FAT3: variants seen among roughly 807,000 people sequenced by gnomAD.
FAT3 encodes the protein FAT atypical cadherin 3.
In FAT3, 95 loss-of-function variants were observed where a neutral mutation model predicts 310.2. The observed-to-expected ratio is 0.31, with a 90% confidence interval of 0.26 to 0.36. FAT3 has a LOEUF of 0.36. FAT3 is among the 10% of genes least tolerant of loss of function. The pLI, the probability that FAT3 is intolerant of heterozygous loss-of-function variation, is 1.00. For missense variants in FAT3, 5,408 were observed against 5,715.6 expected (o/e 0.95, Z 1.74); for synonymous variants, 2,314 against 2,192.9 (o/e 1.06, Z -1.54).
intron 1 of FAT3, among the ~76,000 whole-genome samples, chr11:92,239,813 T>A (rs997046449): frequency 3.9e-5 from 6 of 152,108 alleles, no homozygotes; most frequent in African/African-American, 1.4e-4. Flanking sequence ...CTTATTTGCA[T>A]AAAAGAGTCT....
intron 3 of FAT3, among the ~76,000 whole-genome samples, chr11:92,561,435 C>T (rs1287658397): frequency 6.6e-6 from 1 of 152,022 alleles, no homozygotes; most frequent in African/African-American, 2.4e-5. Flanking sequence ...AAAGTCTAAG[C>T]ATTTGAAAAT....
In FAT3 at chr11:92,800,475, G is replaced by T. The variant is rs866946202; in HGVS notation, c.7462G>T (p.Gly2488Trp). The change falls in exon 10 of 28, where the codon GGG (glycine) becomes TGG (tryptophan). Residue 2488 changes from glycine (G) to tryptophan (W), a missense_variant. By Grantham distance (184) the Gly-to-Trp change is radical. Transcript: ENST00000525166. ...STAQVHIRVL[G>W]ANLYSPAFSQ... ...TGCACAGGTGCATATTAGGGTACTT[G>T]GGGCTAACTTGTACAGCCCTGCCTT... The T allele has an allele frequency of 4.3e-6, 7 of 1,613,814 alleles. No homozygotes were observed. The African/African-American group carries it at 6.7e-5, about 15-fold the overall frequency.
At chr11:92,855,714 A>G (rs7948889) in intron 19 of FAT3, among the ~76,000 whole-genome samples, 125,810 of 152,162 alleles carry the variant, frequency 0.83, 52,281 homozygotes, top group South Asian at 0.9. Flanking sequence ...TTTAAGTATT[A>G]TAGAACCATT....
chr11:92,431,462 G>T (rs1950775488), intron 2 of FAT3, among the ~76,000 whole-genome samples: 1 of 152,112 alleles, frequency 6.6e-6, no homozygotes, highest in African/African-American at 2.4e-5. Context: ...TCTGTAGGTT[G>T]CCTGTTCACT....
intron 1 of FAT3, among the ~76,000 whole-genome samples, chr11:92,323,580 T>C (rs1026069547): frequency 4.1e-5 from 6 of 144,790 alleles, no homozygotes; most frequent in Non-Finnish European, 8.9e-5. Context: ...GGAATCTTTT[T>C]TTTTCTTTTT....
rs961407331 is a variant in FAT3, at chr11:92,871,237, G to A, written c.12127+4028G>A. 9.9e-5 allele frequency among the ~76,000 whole-genome samples: 15 copies of A among 152,248 alleles called. No homozygotes were observed. The East Asian group carries it at 2.1e-3, about 22-fold the overall frequency. On this transcript the variant is annotated intron_variant, in intron 22 of 27. Coordinates refer to ENST00000525166, the MANE Select transcript of FAT3 (RefSeq NM_001367949.2). ...TCCTTGAAAATGCAATGGTTAAAAA[G>A]AAAACCAAAAAATATTTAAAAAGTG...
At chr11:92,238,438 T>C (rs889405035) in intron 1 of FAT3, among the ~76,000 whole-genome samples, 17 of 152,110 alleles carry the variant, frequency 1.1e-4, no homozygotes, top group Non-Finnish European at 2.2e-4. Flanking sequence ...GGCAATCTGG[T>C]TGGAAGAGGA....
At chr11:92,357,313 G>A (rs1310825864) in intron 2 of FAT3, among the ~76,000 whole-genome samples, 1 of 152,156 alleles carries the variant, frequency 6.6e-6, no homozygotes, top group Non-Finnish European at 1.5e-5. Context: ...GACATAGAAT[G>A]TGGAGCCTAT....
intron 1 of FAT3, among the ~76,000 whole-genome samples, chr11:92,346,888 A>T (rs1249801048): frequency 6.6e-6 from 1 of 152,180 alleles, no homozygotes; most frequent in Non-Finnish European, 1.5e-5. Context: ...CTGGAAAATA[A>T]AACGTAGAGT....
chr11:92,504,156 A>C (rs1591375704), intron 2 of FAT3, among the ~76,000 whole-genome samples: 1 of 152,166 alleles, frequency 6.6e-6, no homozygotes, highest in Non-Finnish European at 1.5e-5. Context: ...TCATATGCCA[A>C]AAACAAGTTG....
intron 2 of FAT3, among the ~76,000 whole-genome samples, chr11:92,509,463 G>C (rs1162602886): frequency 6.6e-6 from 1 of 152,182 alleles, no homozygotes; most frequent in Non-Finnish European, 1.5e-5. Flanking sequence ...GACCTAGCAA[G>C]AGTGGACTTC....
intron 1 of FAT3, among the ~76,000 whole-genome samples, chr11:92,250,740 A>C (rs973083130): frequency 5.9e-5 from 9 of 152,088 alleles, no homozygotes; most frequent in African/African-American, 2.2e-4. Flanking sequence ...AAAGAGAAAA[A>C]CAATTGAGGC....
chr11:92,547,607 C>G (rs1954656801), intron 3 of FAT3, among the ~76,000 whole-genome samples: 1 of 152,052 alleles, frequency 6.6e-6, no homozygotes, highest in African/African-American at 2.4e-5. Context: ...AGAGCAGGCC[C>G]TACCTCCCCT....
In FAT3 at chr11:92,293,060, GGAAGGAAGGAAGGAAGGAAA is replaced by G. The variant is rs1475630480; in HGVS notation, c.-17-59014_-17-58995del. 3.8e-3 allele frequency among the ~76,000 whole-genome samples: 392 copies of G among 104,262 alleles called. 8 individuals carry two copies. Among genetic ancestry groups the G allele is most frequent in the African/African-American group, 0.013 (339 of 26,210 alleles). The allele number at this position is 104,262 out of a possible 152,430, so 68.4% of individuals were successfully genotyped here. A position where few individuals can be genotyped will look rare whatever the true frequency, so the allele number is the denominator to read the frequency against. On this transcript the variant is annotated intron_variant, in intron 1 of 27. Transcript: ENST00000525166. The stretch of plus-strand genomic sequence containing the variant: ...AGGAAGGAAGGAAGGAAGGAAGGAA[GGAAGGAAGGAAGGAAGGAAA>G]GAAGGAAGGAAGGAAGGAAAGGAAG...
intron 1 of FAT3, among the ~76,000 whole-genome samples, chr11:92,240,434 T>C (rs75866882): frequency 0.015 from 2,256 of 152,116 alleles, 69 homozygotes; most frequent in African/African-American, 0.052. Context: ...TTTGCAGCCA[T>C]GGCTGTATGT....
At chr11:92,538,206 G>T (rs571267802) in intron 3 of FAT3, among the ~76,000 whole-genome samples, 8 of 152,014 alleles carry the variant, frequency 5.3e-5, no homozygotes, top group Non-Finnish European at 1.0e-4. Flanking sequence ...TTCTATTTTA[G>T]ACAATTCTGC....
chr11:92,765,443 T>C (rs1565576965), intron 6 of FAT3, among the ~76,000 whole-genome samples: 1 of 152,136 alleles, frequency 6.6e-6, no homozygotes. Flanking sequence ...TTTCTCTCTT[T>C]TTCTTCACCT....
intron 4 of FAT3, among the ~76,000 whole-genome samples, chr11:92,745,471 A>G (rs1380938665): frequency 6.6e-6 from 1 of 151,588 alleles, no homozygotes; most frequent in Non-Finnish European, 1.5e-5. Context: ...TCCTGCTGAT[A>G]GGGAAGATTA....
intron 1 of FAT3, among the ~76,000 whole-genome samples, chr11:92,309,363 C>T (rs1303796422): frequency 6.7e-5 from 8 of 118,678 alleles, no homozygotes; most frequent in African/African-American, 2.7e-4. Flanking sequence ...TGCACTCTCG[C>T]ACTCTTTTAC....
Sources: gnomAD v4.1 joint callset for allele counts (sites outside exome capture counted in the v4.1 genomes callset) on GRCh38, gnomAD v4.1.1 for gene constraint, MANE v1.5 for transcripts, NCBI Gene and HGNC (gene_info 2026-07-23, HGNC 2026-07-21) for gene names.